The following PRICKLE1 variants were observed in gnomAD, a reference collection of about 807,000 sequenced individuals.
The protein encoded by PRICKLE1 is prickle-like protein 1.
PRICKLE1 carries 14 observed loss-of-function variants against 70.2 expected under a neutral mutation model. The observed-to-expected ratio is 0.20, with a 90% CI of 0.13 to 0.31. The LOEUF (loss-of-function observed/expected upper bound fraction) is 0.31. PRICKLE1 is among the 10% of genes least tolerant of loss of function. The probability of loss-of-function intolerance (pLI) is 1.00; values close to 1 mark genes in which losing one functional copy is unlikely to be tolerated. For synonymous variants in PRICKLE1, 357 were observed against 379.9 expected (o/e 0.94, Z 0.70); for missense variants, 821 against 1,026.2 (o/e 0.80, Z 2.73).
chr12:42,456,934 G>A lies in PRICKLE1; in HGVS notation c.*2875C>T, dbSNP rs912545895. The stretch of plus-strand genomic sequence containing the variant: ...CATGCCTGTAATCCCCTGCACTTTG[G>A]GAGGCTGAGGCAGGTGGATCACCTG... On this transcript the variant is annotated 3_prime_UTR_variant, in exon 8 of 8. Coordinates refer to ENST00000345127, the MANE Select transcript of PRICKLE1 (RefSeq NM_153026.3). The A allele has an allele frequency of 6.6e-6, 1 of 152,156 alleles. No individual in the cohort carries two copies. The highest frequency in any genetic ancestry group is 1.5e-5 in the Non-Finnish European group (1 of 68,048). The allele number at this position is 152,156 out of a possible 1,614,324, so 9.4% of individuals were successfully genotyped here.
intron 1 of PRICKLE1, among the ~76,000 whole-genome samples, chr12:42,564,015 T>C (rs1940575617): frequency 6.6e-6 from 1 of 151,878 alleles, no homozygotes; most frequent in African/African-American, 2.4e-5. Context: ...CCCCAGCACT[T>C]TGGGAGGCCG....
At chr12:42,528,305 C>T (rs2120527349) in intron 1 of PRICKLE1, among the ~76,000 whole-genome samples, 1 of 152,214 alleles carries the variant, frequency 6.6e-6, no homozygotes, top group African/African-American at 2.4e-5. Context: ...AACTCCTGGG[C>T]TCAAGTGATC....
intron 1 of PRICKLE1, among the ~76,000 whole-genome samples, chr12:42,482,489 A>T (rs1938829198): frequency 6.6e-6 from 1 of 152,182 alleles, no homozygotes; most frequent in Admixed American, 6.5e-5. Context: ...TTCTATTTTC[A>T]ACAGTGGCCC....
chr12:42,466,524 C>T (rs1593108876), intron 5 of PRICKLE1, 144 bp from the exon 6 acceptor site: 1 of 716,264 alleles, frequency 1.4e-6, no homozygotes. Flanking sequence ...CTTAGAGTCA[C>T]AAGCTTAAAT....
intron 5 of PRICKLE1, 90 bp from the exon 6 acceptor site, chr12:42,466,470 G>T: frequency 9.0e-7 from 1 of 1,110,588 alleles, no homozygotes; most frequent in Non-Finnish European, 1.3e-6. Context: ...CCGGGCAATG[G>T]ACAGACACTG....
At chr12:42,532,754 G>A (rs899766110) in intron 1 of PRICKLE1, among the ~76,000 whole-genome samples, 1 of 152,116 alleles carries the variant, frequency 6.6e-6, no homozygotes, top group Non-Finnish European at 1.5e-5. Context: ...AAAATTAGCC[G>A]CACGCTGTGG....
chr12:42,539,087 G>C (rs1940062705), intron 1 of PRICKLE1, among the ~76,000 whole-genome samples: 1 of 152,148 alleles, frequency 6.6e-6, no homozygotes, highest in Admixed American at 6.5e-5. Context: ...ATAGCTGAAG[G>C]AATGCTGAAT....
chr12:42,466,046 A>G, intron 6 of PRICKLE1, 148 bp downstream of exon 6: 2 of 855,118 alleles, frequency 2.3e-6, no homozygotes, highest in Non-Finnish European at 3.8e-6. Context: ...GTCAAAGCTC[A>G]TCAGCTGGAA....
intron 1 of PRICKLE1, among the ~76,000 whole-genome samples, chr12:42,560,813 CACACAA>C (rs1343053519): frequency 1.7e-5 from 2 of 119,686 alleles, no homozygotes; most frequent in Admixed American, 8.2e-5. Context: ...CACACACACA[CACACAA>C]AACAAAAAAC....
chr12:42,544,543 C>CT (rs1375779397), intron 1 of PRICKLE1, among the ~76,000 whole-genome samples: 1 of 152,142 alleles, frequency 6.6e-6, no homozygotes, highest in East Asian at 1.9e-4. Context: ...CTTCAGGCCC[C>CT]TAAAGATAAG....
chr12:42,468,234 C>G (rs1057144717), intron 5 of PRICKLE1, among the ~76,000 whole-genome samples: 1 of 152,122 alleles, frequency 6.6e-6, no homozygotes, highest in African/African-American at 2.4e-5. Context: ...CTTTCCATAC[C>G]TTTTCTGAGC....
chr12:42,469,584 G>A lies in PRICKLE1; in HGVS notation c.250C>T (p.Arg84Trp), dbSNP rs775472022. The change falls in exon 4 of 8, where the codon CGG becomes TGG. Residue 84 changes from arginine to tryptophan, a missense_variant. Transcript: ENST00000345127. ...YQLPPHDNEV[R>W]YCQSLSEEEK... The stretch of plus-strand genomic sequence containing the variant: ...TCTTCACTCAAAGACTGGCAATACC[G>A]TACCTTCACAGAAAGCAAAACAGAA... The A allele has an allele frequency of 2.5e-6, 4 of 1,613,932 alleles. No individual in the cohort carries two copies. Among genetic ancestry groups the A allele is most frequent in the African/African-American group, 1.3e-5 (1 of 74,968 alleles).
At chr12:42,511,211 T>C (rs1224335226) in intron 1 of PRICKLE1, among the ~76,000 whole-genome samples, 5 of 152,232 alleles carry the variant, frequency 3.3e-5, no homozygotes, top group African/African-American at 1.2e-4. Context: ...TTAAACACCA[T>C]TTACTTTAAA....
At chr12:42,509,081 T>A (rs1200837667) in intron 1 of PRICKLE1, among the ~76,000 whole-genome samples, 3 of 152,244 alleles carry the variant, frequency 2.0e-5, no homozygotes, top group Admixed American at 1.3e-4. Context: ...AACAGCAGCC[T>A]GCCAGTCTTC....
At chr12:42,579,266 T>C (rs1382634240) in intron 1 of PRICKLE1, among the ~76,000 whole-genome samples, 1 of 152,236 alleles carries the variant, frequency 6.6e-6, no homozygotes, top group African/African-American at 2.4e-5. Flanking sequence ...CAGGGAAGGC[T>C]ATCTGACATC....
intron 1 of PRICKLE1, among the ~76,000 whole-genome samples, chr12:42,570,678 G>C (rs1471152909): frequency 6.6e-6 from 1 of 152,132 alleles, no homozygotes; most frequent in Non-Finnish European, 1.5e-5. Context: ...AAATTAGCCA[G>C]GCATGGTAGT....
chr12:42,551,622 G>C (rs1181016922), intron 1 of PRICKLE1, among the ~76,000 whole-genome samples: 5 of 152,176 alleles, frequency 3.3e-5, no homozygotes, highest in African/African-American at 9.7e-5. Flanking sequence ...AATAAATAAA[G>C]AAGGAGGAGA....
At chr12:42,529,110 T>A (rs888988091) in intron 1 of PRICKLE1, among the ~76,000 whole-genome samples, 2 of 152,252 alleles carry the variant, frequency 1.3e-5, no homozygotes, top group African/African-American at 4.8e-5. Context: ...TACAAAATTA[T>A]ACTAAGTAAA....
chr12:42,473,542 G>C (rs146678957), intron 1 of PRICKLE1, among the ~76,000 whole-genome samples: 12 of 152,078 alleles, frequency 7.9e-5, no homozygotes, highest in African/African-American at 2.7e-4. Context: ...CCTCATCCCA[G>C]GGCACAAAGA....
Sources: gnomAD v4.1 joint callset for allele counts (sites outside exome capture counted in the v4.1 genomes callset) on GRCh38, gnomAD v4.1.1 for gene constraint, MANE v1.5 for transcripts, NCBI Gene and HGNC (gene_info 2026-07-23, HGNC 2026-07-21) for gene names.